LRRC15: variants seen among roughly 807,000 people sequenced by gnomAD.
LRRC15 encodes the protein leucine-rich repeat-containing protein 15.
A neutral mutation model predicts 4.3 loss-of-function variants in LRRC15; 5 were observed. The ratio of observed to expected loss-of-function variants is 1.16; its 90% CI spans 0.61 to 2.44. The LOEUF is 2.44. Ranked by LOEUF, LRRC15 falls within the 30% of genes most tolerant of loss-of-function variation. The pLI is 0.01. For synonymous variants in LRRC15, 337 were observed against 323.2 expected (o/e 1.04, Z -0.46); for missense variants, 769 against 747.0 (o/e 1.03, Z -0.34).
chr3:194,361,997 TC>T (rs1405974352), intron 1 of LRRC15, among the ~76,000 whole-genome samples: 1 of 152,144 alleles, frequency 6.6e-6, no homozygotes, highest in African/African-American at 2.4e-5. Flanking sequence ...TTGAGTAAGT[TC>T]CAGGAAACCT....
rs1713483697 is a variant in LRRC15, at chr3:194,358,064, A to C, written c.*1234T>G. 1 of 152,306 alleles carries C rather than the reference A, an allele frequency of 6.6e-6. No individual in the cohort carries two copies. Among genetic ancestry groups the C allele is most frequent in the Non-Finnish European group, 1.5e-5 (1 of 68,132 alleles). The allele number at this position is 152,306 out of a possible 1,614,324, so 9.4% of individuals were successfully genotyped here. On this transcript the variant is annotated 3_prime_UTR_variant, in exon 2 of 2. Transcript: ENST00000347624. The stretch of plus-strand genomic sequence containing the variant: ...TCTCTCAGGGTCTCCAGATATAATA[A>C]AATCTCCTGTTCAGGCCACAGTCTC...
Position 194,360,517 on chromosome 3 carries a change from G to A in LRRC15, c.527C>T (p.Thr176Met), listed in dbSNP as rs776596452. 4.0e-5 allele frequency: 65 copies of A among 1,614,016 alleles called. 1 individual carries two copies. The Admixed American group carries it at 7.0e-4, about 17-fold the overall frequency. The change falls in exon 2 of 2, where the codon ACG (threonine) becomes ATG (methionine). Residue 176 changes from threonine (T) to methionine (M), a missense_variant. Transcript: ENST00000347624. ...DGAFDHLVGLTKLNLGKNSLT... is the reference protein window; with the variant it reads ...DGAFDHLVGLMKLNLGKNSLT... Reference sequence around the variant, plus strand: ...GCTATTCTTGCCCAGATTGAGCTTCGTGAGTCCTACCAGGTGGTCGAAGGC... The same window carrying A: ...GCTATTCTTGCCCAGATTGAGCTTCATGAGTCCTACCAGGTGGTCGAAGGC...
At chr3:194,367,384 G>T (rs1577002308) in intron 1 of LRRC15, among the ~76,000 whole-genome samples, 1 of 152,054 alleles carries the variant, frequency 6.6e-6, no homozygotes, top group South Asian at 2.1e-4. Context: ...CTCTGCTACT[G>T]CAAGCTCTGC....
At position 194,359,403 on chromosome 3, in the gene LRRC15, G is replaced by T; in HGVS notation, c.1641C>A (p.Gly547=). The change falls in exon 2 of 2, where the codon GGC becomes GGA. Residue 547 remains glycine, a synonymous_variant. Transcript: ENST00000347624. ...CCAGGGAGCAGGCCAGGGCGACAAT[G>T]CCAATTACAATGGCGGCAATGGCCA... ...SGLAIAAIVI[G]IVALACSLAA... is the part of the protein sequence containing the mutation. The T allele has an allele frequency of 6.2e-7, 1 of 1,614,206 alleles. No homozygotes were observed. The highest frequency in any genetic ancestry group is 1.1e-5 in the South Asian group (1 of 91,088).
chr3:194,369,146 T>C (rs868857245), intron 1 of LRRC15, among the ~76,000 whole-genome samples: 2 of 152,206 alleles, frequency 1.3e-5, no homozygotes, highest in Non-Finnish European at 2.9e-5. Context: ...GACAGCTCTC[T>C]TGCCTGGGAA....
At position 194,359,865 on chromosome 3, in the gene LRRC15, G is replaced by A; in HGVS notation, c.1179C>T (p.Ala393=). The A allele has an allele frequency of 1.2e-6, 2 of 1,614,136 alleles. No individual in the cohort carries two copies. The highest frequency in any genetic ancestry group is 1.7e-6 in the Non-Finnish European group (2 of 1,180,018). The change falls in exon 2 of 2, where the codon GCC becomes GCT. Residue 393 remains alanine (A), a synonymous_variant. Coordinates refer to ENST00000347624, the MANE Select transcript of LRRC15 (RefSeq NM_130830.5). ...NIFANVNGLM[A]IQLQNNQLEN... ...CCAGCTGGTTGTTCTGCAGCTGGAT[G>A]GCCATGAGGCCATTGACGTTGGCGA... is the stretch of plus-strand genomic sequence containing the variant.
intron 1 of LRRC15, among the ~76,000 whole-genome samples, chr3:194,368,632 A>G (rs555669880): frequency 3.6e-4 from 55 of 152,258 alleles, no homozygotes; most frequent in Non-Finnish European, 7.3e-4. Context: ...CGCATCCCAG[A>G]TAACCCCAAA....
intron 1 of LRRC15, among the ~76,000 whole-genome samples, chr3:194,368,311 C>A (rs1224114116): frequency 6.6e-6 from 1 of 152,146 alleles, no homozygotes; most frequent in East Asian, 1.9e-4. Context: ...TCTACCTCGC[C>A]TCACCACCCC....
rs267599744 is a variant in LRRC15 at position 194,360,560 on chromosome 3, C to T, written c.484G>A (p.Glu162Lys). The change falls in exon 2 of 2, where the codon GAA becomes AAA. Residue 162 changes from glutamate to lysine, a missense_variant. Transcript: ENST00000347624. ...KELQLHGNHL[E>K]YIPDGAFDHL... ...TCGAAGGCTCCGTCAGGGATGTATT[C>T]CAGGTGGTTGCCGTGCAACTGCAGC... 6.2e-7 allele frequency: 1 copy of T among 1,614,118 alleles called. No homozygotes were observed. The highest frequency in any genetic ancestry group is 2.2e-5 in the East Asian group (1 of 44,882).
In LRRC15 at chr3:194,360,872, G is replaced by C; in HGVS notation, c.172C>G (p.Leu58Val). Residue 58 changes from leucine to valine, a missense_variant, in exon 2 of 2, where the codon CTG becomes GTG. Coordinates refer to ENST00000347624, the MANE Select transcript of LRRC15 (RefSeq NM_130830.5). The stretch of plus-strand genomic sequence containing the variant: ...GTGATGTGCGTGTTGAGGATCTGCA[G>C]GCTCATGGCGTTCCAGGGCAGAGGG... ...PTPLPWNAMS[L>V]QILNTHITEL... is the part of the protein sequence containing the mutation. 3 of 1,609,178 alleles carry C rather than the reference G, an allele frequency of 1.9e-6. No individual in the cohort carries two copies. The highest frequency in any genetic ancestry group is 2.5e-6 in the Non-Finnish European group (3 of 1,176,882).
At chr3:194,363,632 A>C (rs1713698566) in intron 1 of LRRC15, among the ~76,000 whole-genome samples, 2 of 138,418 alleles carry the variant, frequency 1.4e-5, no homozygotes. Flanking sequence ...ATGTGGAAAA[A>C]AGGAGGTGAT....
chr3:194,359,911 C>T lies in LRRC15; in HGVS notation c.1133G>A (p.Arg378Lys). 2 of 1,614,132 alleles carry T rather than the reference C, an allele frequency of 1.2e-6. No individual in the cohort carries two copies. Among genetic ancestry groups the T allele is most frequent in the Non-Finnish European group, 1.7e-6 (2 of 1,180,000 alleles). ...GGCGAAGATATTCCCTGGGAGCTGT[C>T]TGAGGCGGTTGTTCTGCAGGGAGAT... is the stretch of plus-strand genomic sequence containing the variant. ...QNISLQNNRLRQLPGNIFANV... is the reference protein window; with the variant it reads ...QNISLQNNRLKQLPGNIFANV... The change falls in exon 2 of 2, where the codon AGA (arginine) becomes AAA (lysine). Residue 378 changes from arginine (R) to lysine (K), a missense_variant. Physicochemically the swap from Arg to Lys is conservative, Grantham distance 26. Coordinates refer to ENST00000347624, the MANE Select transcript of LRRC15 (RefSeq NM_130830.5).
intron 1 of LRRC15, among the ~76,000 whole-genome samples, chr3:194,368,166 T>A (rs1019364170): frequency 2.0e-5 from 3 of 152,150 alleles, no homozygotes; most frequent in African/African-American, 7.2e-5. Flanking sequence ...AGGCCATAAA[T>A]CTGAAGCAGC....
rs1262165159 is a variant in LRRC15, at chr3:194,357,167, G to A, written c.*2131C>T. 1 of 152,306 alleles carries A rather than the reference G, an allele frequency of 6.6e-6. No individual in the cohort carries two copies. The highest frequency in any genetic ancestry group is 1.5e-5 in the Non-Finnish European group (1 of 68,094). 9.4% of individuals were successfully genotyped at this position (152,306 alleles called of 1,614,324 possible). ...CAGCCCTCTGGACACTTTTTGTGCAGGAACTGGAAGGGAAAACTGGTCAGC... is the reference window on the plus strand; with the variant it reads ...CAGCCCTCTGGACACTTTTTGTGCAAGAACTGGAAGGGAAAACTGGTCAGC... On this transcript the variant is annotated 3_prime_UTR_variant, in exon 2 of 2. Coordinates refer to ENST00000347624, the MANE Select transcript of LRRC15 (RefSeq NM_130830.5).
At position 194,359,190 on chromosome 3, in the gene LRRC15, A is replaced by G; in HGVS notation, c.*108T>C. ...TAGGCTCACCTTTCTCTGGGGCCAGAAAGAGCAATCACGGGAAAGCTCCAT... is the reference window on the plus strand; with the variant it reads ...TAGGCTCACCTTTCTCTGGGGCCAGGAAGAGCAATCACGGGAAAGCTCCAT... On this transcript the variant is annotated 3_prime_UTR_variant, in exon 2 of 2. Transcript: ENST00000347624. 2 of 1,077,004 alleles carry G rather than the reference A, an allele frequency of 1.9e-6. No homozygotes were observed. The highest frequency in any genetic ancestry group is 2.4e-5 in the East Asian group (1 of 41,318). 66.7% of individuals were successfully genotyped at this position (1,077,004 alleles called of 1,614,324 possible).
rs772082037 is a variant in LRRC15, at chr3:194,363,349, A to G, written c.-3-2303T>C. 7 of 714,766 alleles carry G rather than the reference A, an allele frequency of 9.8e-6. No homozygotes were observed. The African/African-American group carries it at 1.2e-4, about 13-fold the overall frequency. 44.3% of individuals were successfully genotyped at this position (714,766 alleles called of 1,614,324 possible). ...GAACAATGGAAACAAGAAAGGAAAA[A>G]GAATACCTTGTCCAAAGGCATCTAG... is the stretch of plus-strand genomic sequence containing the variant. On this transcript the variant is annotated intron_variant, in intron 1 of 1. Transcript: ENST00000347624.
chr3:194,363,133 G>A (rs1284635267), intron 1 of LRRC15, among the ~76,000 whole-genome samples: 1 of 151,898 alleles, frequency 6.6e-6, no homozygotes, highest in Non-Finnish European at 1.5e-5. Flanking sequence ...TAAAGACAGG[G>A]TTTCACCATG....
At position 194,355,340 on chromosome 3, in the gene LRRC15, G is replaced by T. The variant is rs1358622353; in HGVS notation, c.*3958C>A. ...CAGACCCCCCAACCCTGCCCACCAG[G>T]GCTCACACTCTACAAAACCCTGAGG... On this transcript the variant is annotated 3_prime_UTR_variant, in exon 2 of 2. Transcript: ENST00000347624. The T allele has an allele frequency of 1.3e-5, 2 of 152,172 alleles. No individual in the cohort carries two copies. 9.4% of individuals were successfully genotyped at this position (152,172 alleles called of 1,614,324 possible). A position where few individuals can be genotyped will look rare whatever the true frequency, so the allele number is the denominator to read the frequency against.
At position 194,359,226 on chromosome 3, in the gene LRRC15, G is replaced by A; in HGVS notation, c.*72C>T. On this transcript the variant is annotated 3_prime_UTR_variant, in exon 2 of 2. Coordinates refer to ENST00000347624, the MANE Select transcript of LRRC15 (RefSeq NM_130830.5). ...ACGGGAAAGCTCCATGGACCCAGGG[G>A]TGGAGGCAGAAAGATGAAATTCCCA... 2 of 1,396,268 alleles carry A rather than the reference G, an allele frequency of 1.4e-6. No individual in the cohort carries two copies. Among genetic ancestry groups the A allele is most frequent in the South Asian group, 2.8e-5 (2 of 71,658 alleles). The allele number at this position is 1,396,268 out of a possible 1,614,324, so 86.5% of individuals were successfully genotyped here.
Sources: gnomAD v4.1 joint callset for allele counts (sites outside exome capture counted in the v4.1 genomes callset) on GRCh38, gnomAD v4.1.1 for gene constraint, MANE v1.5 for transcripts, NCBI Gene and HGNC (gene_info 2026-07-23, HGNC 2026-07-21) for gene names.